SYN1: variants seen among roughly 807,000 people sequenced by gnomAD.
The protein encoded by SYN1 is synapsin I.
Under a neutral mutation model 44.6 loss-of-function variants are expected in SYN1, and 8 were observed. The observed-to-expected ratio is 0.18, with a 90% CI of 0.11 to 0.32. The LOEUF is 0.32. Among genes scored for constraint, SYN1 ranks in the 10% least tolerant of loss-of-function variants. SYN1 has a pLI of 1.00. For synonymous variants in SYN1, 275 were observed against 280.1 expected (o/e 0.98, Z 0.18); for missense variants, 451 against 639.4 (o/e 0.71, Z 3.18).
chrX:47,588,043 C>G (rs1353168215), intron 5 of SYN1, among the ~76,000 whole-genome samples: 1 of 112,217 alleles, frequency 8.9e-6, no homozygotes, highest in Admixed American at 9.4e-5. Flanking sequence ...TGTCCCAGAG[C>G]CTTTTACACT....
At chrX:47,609,263 C>G (rs2057910153) in intron 1 of SYN1, among the ~76,000 whole-genome samples, 2 of 112,267 alleles carry the variant, frequency 1.8e-5, no homozygotes, top group South Asian at 7.4e-4. Context: ...GCTGTGTCCC[C>G]ACTGGGAATT....
intron 3 of SYN1, among the ~76,000 whole-genome samples, chrX:47,606,740 T>C (rs1350547086): frequency 2.0e-5 from 2 of 99,782 alleles, no homozygotes; most frequent in African/African-American, 8.1e-5. Flanking sequence ...AATATATATA[T>C]ATATATATAT....
At chrX:47,615,196 T>C (rs2057927931) in intron 1 of SYN1, among the ~76,000 whole-genome samples, 1 of 112,241 alleles carries the variant, frequency 8.9e-6, no homozygotes, top group African/African-American at 3.2e-5. Flanking sequence ...GAATGTCTTA[T>C]ATATTATGTA....
chrX:47,597,299 C>T (rs1451229193), intron 5 of SYN1, among the ~76,000 whole-genome samples: 1 of 104,688 alleles, frequency 9.6e-6, no homozygotes, highest in African/African-American at 3.5e-5. Context: ...TGTGCCATTG[C>T]ACTCTAGCCT....
chrX:47,578,499 C>G lies in SYN1; in HGVS notation c.775-998G>C, dbSNP rs1336563614. Reference sequence around the variant, plus strand: ...CTAGACACACACACAACATGCCTTGCCACATATACAATACAGAGAGGCTAC... The same window carrying G: ...CTAGACACACACACAACATGCCTTGGCACATATACAATACAGAGAGGCTAC... On this transcript the variant is annotated intron_variant, in intron 5 of 12. Coordinates refer to ENST00000295987, the MANE Select transcript of SYN1 (RefSeq NM_006950.3). 6.3e-5 allele frequency among the ~76,000 whole-genome samples: 7 copies of G among 111,789 alleles called. No homozygotes were observed. The East Asian group carries it at 2.0e-3, about 31-fold the overall frequency.
rs185755662 is a variant in SYN1 at position 47,611,181 on chromosome X, A to G, written c.378-3983T>C. ...GGAAGTCCAAATAGAAGCTTCTAAA[A>G]TGGCGCACACCCCCATGCCCTGAAC... On this transcript the variant is annotated intron_variant, in intron 1 of 12. Transcript: ENST00000295987. Among the ~76,000 whole-genome samples the G allele has an allele frequency of 3.6e-5, 4 of 112,222 alleles. No homozygotes were observed. In the East Asian group the frequency reaches 1.1e-3, roughly 32 times the overall value.
At chrX:47,591,416 C>CA (rs764640361) in intron 5 of SYN1, among the ~76,000 whole-genome samples, 3 of 111,772 alleles carry the variant, frequency 2.7e-5, no homozygotes, top group South Asian at 7.4e-4. Context: ...ACCTGCAGGA[C>CA]AGAGATATGA....
chrX:47,615,538 C>G (rs1335297533), intron 1 of SYN1, among the ~76,000 whole-genome samples: 1 of 112,173 alleles, frequency 8.9e-6, no homozygotes, highest in Non-Finnish European at 1.9e-5. Context: ...CTCTGTTATT[C>G]TCTATTTTTA....
intron 5 of SYN1, chrX:47,586,852 C>A: frequency 1.5e-6 from 1 of 658,314 alleles, no homozygotes; most frequent in Non-Finnish European, 2.2e-6. Flanking sequence ...GTGTGAGCAC[C>A]CTGGGACCAG....
chrX:47,572,197 A>G lies in SYN1; in HGVS notation c.*667T>C, dbSNP rs2057762171. On this transcript the variant is annotated 3_prime_UTR_variant, in exon 13 of 13. Coordinates refer to ENST00000295987, the MANE Select transcript of SYN1 (RefSeq NM_006950.3). ...TTCTGGGAAGATGGGTGGAGTTTGC[A>G]TATTTAAAGACAGCTGTCAGAGGCA... 8.6e-6 allele frequency: 1 copy of G among 116,259 alleles called. No individual in the cohort carries two copies. The highest frequency in any genetic ancestry group is 3.3e-5 in the African/African-American group (1 of 30,491). 9.6% of individuals were successfully genotyped at this position (116,259 alleles called of 1,213,427 possible). A position where few individuals can be genotyped will look rare whatever the true frequency, so the allele number is the denominator to read the frequency against.
Position 47,586,144 on chromosome X carries a change from T to C in SYN1, c.775-8643A>G. 8.5e-6 allele frequency: 8 copies of C among 941,591 alleles called. No individual in the cohort carries two copies. In the South Asian group the frequency reaches 1.0e-4, roughly 12 times the overall value. 77.6% of individuals were successfully genotyped at this position (941,591 alleles called of 1,213,427 possible). On this transcript the variant is annotated intron_variant, in intron 5 of 12. Coordinates refer to ENST00000295987, the MANE Select transcript of SYN1 (RefSeq NM_006950.3). ...TGTTCCCTGATGGCTCCTGATGGCC[T>C]CTGAGCCCAGTGACTATCTTGAAGC...
chrX:47,573,325 A>G (rs1159792188), intron 12 of SYN1, among the ~76,000 whole-genome samples: 1 of 111,334 alleles, frequency 9.0e-6, no homozygotes, highest in Admixed American at 9.5e-5. Flanking sequence ...CTAGTTTGAT[A>G]CAAAGGGGAA....
At chrX:47,580,769 C>A (rs1255803514) in intron 5 of SYN1, among the ~76,000 whole-genome samples, 2 of 110,282 alleles carry the variant, frequency 1.8e-5, no homozygotes, top group African/African-American at 6.6e-5. Flanking sequence ...CCCGTCTCTA[C>A]TAAAACTACA....
At chrX:47,606,204 T>G (rs2057896525) in intron 3 of SYN1, among the ~76,000 whole-genome samples, 1 of 111,756 alleles carries the variant, frequency 8.9e-6, no homozygotes, top group African/African-American at 3.3e-5. Flanking sequence ...CTGTTATGTT[T>G]TTTCTTAGCA....
At chrX:47,578,595 C>G (rs2057785248) in intron 5 of SYN1, among the ~76,000 whole-genome samples, 1 of 111,833 alleles carries the variant, frequency 8.9e-6, no homozygotes, top group African/African-American at 3.3e-5. Flanking sequence ...AACACACATA[C>G]AGTCACACAT....
intron 1 of SYN1, among the ~76,000 whole-genome samples, chrX:47,609,910 A>T (rs1449792652): frequency 9.0e-6 from 1 of 111,257 alleles, no homozygotes; most frequent in African/African-American, 3.3e-5. Context: ...ACTTTTCCTG[A>T]TGGTGGGCTG....
intron 5 of SYN1, among the ~76,000 whole-genome samples, chrX:47,593,118 C>A (rs773594678): frequency 4.9e-4 from 54 of 110,985 alleles, no homozygotes; most frequent in African/African-American, 1.7e-3. Context: ...TGGTCTTGAA[C>A]TCCTGGGCTC....
chrX:47,611,987 T>A (rs2057917981), intron 1 of SYN1, among the ~76,000 whole-genome samples: 2 of 111,657 alleles, frequency 1.8e-5, no homozygotes, highest in Admixed American at 1.9e-4. Context: ...CTGACCCATA[T>A]TCCAGGCGAC....
chrX:47,579,541 G>T (rs749951259), intron 5 of SYN1, among the ~76,000 whole-genome samples: 20 of 109,922 alleles, frequency 1.8e-4, no homozygotes, highest in Non-Finnish European at 9.5e-5. Context: ...CACCCATCCA[G>T]CTCCCCAGAT....
Sources: gnomAD v4.1 joint callset for allele counts (sites outside exome capture counted in the v4.1 genomes callset) on GRCh38, gnomAD v4.1.1 for gene constraint, MANE v1.5 for transcripts, NCBI Gene and HGNC (gene_info 2026-07-23, HGNC 2026-07-21) for gene names.